Variants in OSMR observed in about 807,000 individuals in gnomAD.
OSMR encodes oncostatin-M-specific receptor subunit beta.
In OSMR, 81 loss-of-function variants were observed where a neutral mutation model predicts 99.9. The ratio of observed to expected loss-of-function variants is 0.81; its 90% confidence interval spans 0.68 to 0.97. The LOEUF (loss-of-function observed/expected upper bound fraction) is 0.97. OSMR is among the 50% of genes least tolerant of loss of function. The pLI, the probability that OSMR is intolerant of heterozygous loss-of-function variation, is 0.00. For missense variants in OSMR, 1,099 were observed against 1,153.4 expected (o/e 0.95, Z 0.68); for synonymous variants, 406 against 410.4 (o/e 0.99, Z 0.13).
At chr5:38,879,073 C>T (rs1222027109) in intron 3 of OSMR, among the ~76,000 whole-genome samples, 1 of 152,218 alleles carries the variant, frequency 6.6e-6, no homozygotes, top group East Asian at 1.9e-4. Flanking sequence ...TGATGAGATG[C>T]TATGAGGTTC....
At chr5:38,930,920 TTGTGTGTGTGTGTGTGTGTGTG>T (rs55964556) in intron 15 of OSMR, among the ~76,000 whole-genome samples, 2 of 141,890 alleles carry the variant, frequency 1.4e-5, no homozygotes, top group South Asian at 2.3e-4. Flanking sequence ...CAGAAGCATT[TTGTGTGTGTGTGTGTGTGTGTG>T]TGTGTGTGTG....
chr5:38,895,848 T>C (rs777854947), intron 7 of OSMR, among the ~76,000 whole-genome samples: 1 of 152,074 alleles, frequency 6.6e-6, no homozygotes, highest in Non-Finnish European at 1.5e-5. Flanking sequence ...AATCGGTGTC[T>C]AGTTTCATTT....
exon 3 of OSMR, chr5:38,944,957 T>C (rs1423972657): frequency 6.2e-7 from 1 of 1,614,068 alleles, no homozygotes; most frequent in Non-Finnish European, 8.5e-7. Context: ...TGAGCCTTCT[T>C]GAGACACCCC....
intron 7 of OSMR, among the ~76,000 whole-genome samples, chr5:38,898,066 G>GTAT (rs1414681178): frequency 6.6e-6 from 1 of 152,166 alleles, no homozygotes; most frequent in Non-Finnish European, 1.5e-5. Flanking sequence ...GGAGAAGAAT[G>GTAT]TATTCTGCAG....
chr5:38,847,338 CG>C (rs1237818990), intron 1 of OSMR, among the ~76,000 whole-genome samples: 1 of 152,126 alleles, frequency 6.6e-6, no homozygotes, highest in Non-Finnish European at 1.5e-5. Context: ...TTAAGCTTCA[CG>C]GGTGAGGCGG....
intron 1 of OSMR, among the ~76,000 whole-genome samples, chr5:38,859,585 T>C (rs1370575282): frequency 1.3e-5 from 2 of 152,196 alleles, no homozygotes; most frequent in African/African-American, 4.8e-5. Flanking sequence ...ATTTGAGATC[T>C]TTTGTGGTTT....
intron 2 of OSMR, among the ~76,000 whole-genome samples, chr5:38,870,142 T>C (rs915919252): frequency 6.6e-5 from 10 of 152,146 alleles, no homozygotes; most frequent in Non-Finnish European, 1.3e-4. Flanking sequence ...GACACTACTA[T>C]GCTGTTTCTT....
chr5:38,937,938 A>T (rs1579830262), downstream of OSMR: 3 of 182,186 alleles, frequency 1.6e-5, no homozygotes, highest in African/African-American at 7.1e-5. This position sits in a 1 kb window ranked among gnomAD's most constrained non-coding sequence, Gnocchi z 4.0. Context: ...TTTTAAGTAC[A>T]TTTTATTAAC....
At chr5:38,863,212 AGGGG>A (rs1579646569) in intron 1 of OSMR, among the ~76,000 whole-genome samples, 3 of 4,454 alleles carry the variant, frequency 6.7e-4, no homozygotes, top group Non-Finnish European at 1.5e-3. Context: ...GGGGAGGGGG[AGGGG>A]GAGGGGGAGA....
intron 1 of OSMR, among the ~76,000 whole-genome samples, chr5:38,854,962 C>T (rs936388826): frequency 1.4e-4 from 21 of 152,232 alleles, no homozygotes; most frequent in African/African-American, 4.3e-4. Flanking sequence ...TGACAGTAGT[C>T]GAGAGAGAAA....
chr5:38,898,141 C>T (rs563298462), intron 7 of OSMR, among the ~76,000 whole-genome samples: 1 of 152,198 alleles, frequency 6.6e-6, no homozygotes, highest in South Asian at 2.1e-4. Context: ...CAGATTAAAT[C>T]AGATATTTCT....
At chr5:38,906,132 T>G (rs1035033639) in intron 9 of OSMR, among the ~76,000 whole-genome samples, 1 of 151,718 alleles carries the variant, frequency 6.6e-6, no homozygotes, top group African/African-American at 2.4e-5. Flanking sequence ...CTCAGTGTGT[T>G]TTAGAAAAGA....
rs139719999 is a variant in OSMR at position 38,911,443 on chromosome 5, A to C, written c.1286-6103A>C. Among the ~76,000 whole-genome samples, 50 of 152,286 alleles carry C rather than the reference A, an allele frequency of 3.3e-4. No individual in the cohort carries two copies. The East Asian group carries it at 6.8e-3, about 21-fold the overall frequency. On this transcript the variant is annotated intron_variant, in intron 9 of 17. Coordinates refer to ENST00000274276, the MANE Select transcript of OSMR (RefSeq NM_003999.3). Reference sequence around the variant, plus strand: ...AACAAAAAGCCTAGGAACCAGAGAAAGCCCAGGACCAGATGCATTCACAGC... The same window carrying C: ...AACAAAAAGCCTAGGAACCAGAGAACGCCCAGGACCAGATGCATTCACAGC...
rs1746246566 is a variant in OSMR, at chr5:38,921,771, C to T, written c.1742C>T (p.Thr581Ile). Reference sequence around the variant, plus strand: ...CAGTGGAAGAATGTAGGTCCCAATACCACAAGCACAGTCATTAGCACAGGT... The same window carrying T: ...CAGTGGAAGAATGTAGGTCCCAATATCACAAGCACAGTCATTAGCACAGGT... ...DFQWKNVGPNTTSTVISTDAF... is the reference protein window; with the variant it reads ...DFQWKNVGPNITSTVISTDAF... Residue 581 changes from threonine (T) to isoleucine (I), a missense_variant, in exon 12 of 18, where the codon ACC (threonine) becomes ATC (isoleucine). Transcript: ENST00000274276. The T allele has an allele frequency of 1.9e-6, 3 of 1,613,780 alleles. No homozygotes were observed. In the Admixed American group the frequency reaches 5.0e-5, roughly 27 times the overall value.
rs150371996 is a variant in OSMR, at chr5:38,933,170, C to T, written c.2666C>T (p.Ser889Leu). Residue 889 changes from serine (S) to leucine (L), a missense_variant, in exon 18 of 18, where the codon TCA (serine) becomes TTA (leucine). Physicochemically the swap from Ser to Leu is moderately radical, Grantham distance 145. Coordinates refer to ENST00000274276, the MANE Select transcript of OSMR (RefSeq NM_003999.3). The part of the protein sequence containing the change: ...KAPSMLGLMT[S>L]PENVLKALEK... The stretch of plus-strand genomic sequence containing the variant: ...CCAAGTATGCTGGGACTAATGACCT[C>T]ACCTGAAAATGTACTAAAGGCACTA... The T allele has an allele frequency of 6.2e-7, 1 of 1,614,174 alleles. No homozygotes were observed. Among genetic ancestry groups the T allele is most frequent in the African/African-American group, 1.3e-5 (1 of 75,040 alleles).
intron 13 of OSMR, among the ~76,000 whole-genome samples, 200 bp downstream of exon 13, chr5:38,923,454 CTT>C (rs369636061): frequency 6.6e-6 from 1 of 152,276 alleles, no homozygotes; most frequent in African/African-American, 2.4e-5. Flanking sequence ...AAGTCTCTCT[CTT>C]TCTTCCTTTT....
At position 38,904,007 on chromosome 5, in the gene OSMR, G is replaced by A; in HGVS notation, c.1117G>A (p.Glu373Lys). 6.2e-7 allele frequency: 1 copy of A among 1,614,048 alleles called. No individual in the cohort carries two copies. The highest frequency in any genetic ancestry group is 2.2e-5 in the East Asian group (1 of 44,854). Residue 373 changes from glutamate to lysine, a missense_variant, in exon 8 of 18, where the codon GAA (glutamate) becomes AAA (lysine). By Grantham distance (56) the Glu-to-Lys change is moderately conservative. Coordinates refer to ENST00000274276, the MANE Select transcript of OSMR (RefSeq NM_003999.3). ...TYLCQIELHG[E>K]GKMMQYNVSI... Reference sequence around the variant, plus strand: ...TTTGTGTCAGATTGAACTCCATGGTGAAGGAAAAATGATGCAAGTAAGAAC... The same window carrying A: ...TTTGTGTCAGATTGAACTCCATGGTAAAGGAAAAATGATGCAAGTAAGAAC...
chr5:38,885,292 T>C, intron 5 of OSMR, 57 bp from the exon 6 acceptor site: 3 of 1,610,480 alleles, frequency 1.9e-6, no homozygotes, highest in Non-Finnish European at 2.5e-6. Context: ...AGCTTTCCAT[T>C]TGGCTTATCT....
intron 15 of OSMR, among the ~76,000 whole-genome samples, chr5:38,929,881 T>TAA (rs1746642902): frequency 1.3e-5 from 2 of 152,340 alleles, no homozygotes; most frequent in East Asian, 1.9e-4. Context: ...ATAGGTACAG[T>TAA]AAAAGTTAAA....
Sources: allele counts gnomAD v4.1 joint callset (sites outside exome capture counted in the v4.1 genomes callset), GRCh38; gene constraint gnomAD v4.1.1; non-coding constraint Gnocchi (gnomAD v3.1); transcripts MANE v1.5; gene names NCBI Gene and HGNC (gene_info 2026-07-23, HGNC 2026-07-21).